CNTN5: variants seen among roughly 807,000 people sequenced by gnomAD.
The protein encoded by CNTN5 is contactin 5.
A neutral mutation model predicts 129.1 loss-of-function variants in CNTN5; 77 were observed. The observed-to-expected ratio is 0.60, with a 90% CI of 0.50 to 0.72. The LOEUF is 0.72. Ranked by LOEUF, CNTN5 falls within the 30% of genes least tolerant of loss-of-function variation. The pLI, the probability that CNTN5 is intolerant of heterozygous loss-of-function variation, is 0.00. For missense variants in CNTN5, 1,478 were observed against 1,328.8 expected (o/e 1.11, Z -1.75); for synonymous variants, 509 against 465.6 (o/e 1.09, Z -1.20).
intron 1 of CNTN5, among the ~76,000 whole-genome samples, chr11:99,189,804 T>C (rs969403071): frequency 2.0e-5 from 3 of 151,734 alleles, no homozygotes; most frequent in African/African-American, 7.2e-5. Context: ...TTTTAGGTGT[T>C]AACCCCTTAT....
intron 13 of CNTN5, among the ~76,000 whole-genome samples, chr11:100,107,570 C>G (rs754443127): frequency 4.1e-5 from 6 of 147,296 alleles, no homozygotes; most frequent in Non-Finnish European, 5.9e-5. Flanking sequence ...GGGAACCATA[C>G]TGAAAACCAA....
rs185282811 is a variant in CNTN5 at position 99,755,295 on chromosome 11, G to C, written c.56-64249G>C. Among the ~76,000 whole-genome samples the C allele has an allele frequency of 2.7e-3, 411 of 152,240 alleles. 4 individuals are homozygous for C. Among genetic ancestry groups the C allele is most frequent in the African/African-American group, 9.6e-3 (397 of 41,546 alleles). ...AGAGTATGTTAACTTTGTAACAATT[G>C]ACAGACTGTCTTCCAAAGTGACTGT... On this transcript the variant is annotated intron_variant, in intron 3 of 24. Transcript: ENST00000524871.
At chr11:100,172,349 T>C (rs1023025625) in intron 13 of CNTN5, among the ~76,000 whole-genome samples, 22 of 151,992 alleles carry the variant, frequency 1.4e-4, no homozygotes, top group African/African-American at 5.3e-4. Flanking sequence ...ATGGAGAACA[T>C]ATTAACTACC....
At chr11:99,303,888 ACAC>A (rs1261230391) in intron 1 of CNTN5, among the ~76,000 whole-genome samples, 6 of 152,244 alleles carry the variant, frequency 3.9e-5, no homozygotes. Context: ...TCCTTTAGTA[ACAC>A]CATAGTGTCT....
intron 1 of CNTN5, among the ~76,000 whole-genome samples, chr11:99,209,341 A>T (rs1451869144): frequency 6.6e-6 from 1 of 152,152 alleles, no homozygotes; most frequent in Non-Finnish European, 1.5e-5. Context: ...TGTTGCCAGC[A>T]TCTGCTTCTG....
intron 3 of CNTN5, among the ~76,000 whole-genome samples, chr11:99,737,467 G>C (rs1565477014): frequency 6.6e-6 from 1 of 152,072 alleles, no homozygotes; most frequent in South Asian, 2.1e-4. Flanking sequence ...GTTTGAAAAA[G>C]TGGATAGATA....
At chr11:100,139,226 T>C (rs1045853953) in intron 13 of CNTN5, among the ~76,000 whole-genome samples, 1 of 152,152 alleles carries the variant, frequency 6.6e-6, no homozygotes, top group Non-Finnish European at 1.5e-5. Flanking sequence ...ATATAGATTA[T>C]AATTAAAGCC....
At chr11:99,873,663 G>A (rs1032544937) in intron 6 of CNTN5, among the ~76,000 whole-genome samples, 1 of 152,016 alleles carries the variant, frequency 6.6e-6, no homozygotes. Context: ...ATACCTCAAA[G>A]AACTAAAAAT....
chr11:100,004,674 G>A (rs1284368753), intron 9 of CNTN5, among the ~76,000 whole-genome samples: 2 of 152,130 alleles, frequency 1.3e-5, no homozygotes, highest in South Asian at 2.1e-4. Context: ...ACCAAGACAT[G>A]TATAAACTCC....
intron 2 of CNTN5, among the ~76,000 whole-genome samples, chr11:99,421,038 A>G (rs1176362243): frequency 6.6e-6 from 1 of 151,980 alleles, no homozygotes; most frequent in African/African-American, 2.4e-5. Context: ...CCTGGAAATT[A>G]TAATTGTGTC....
At chr11:100,151,555 G>A (rs1947057288) in intron 13 of CNTN5, among the ~76,000 whole-genome samples, 1 of 152,078 alleles carries the variant, frequency 6.6e-6, no homozygotes, top group South Asian at 2.1e-4. Context: ...TCCTAACGGG[G>A]CAAGCAACCC....
intron 13 of CNTN5, among the ~76,000 whole-genome samples, chr11:100,181,505 G>C (rs1339486535): frequency 6.6e-6 from 1 of 151,910 alleles, no homozygotes; most frequent in Non-Finnish European, 1.5e-5. Flanking sequence ...TTTTTATTGT[G>C]GTGGTAGATA....
intron 2 of CNTN5, among the ~76,000 whole-genome samples, chr11:99,462,672 C>G (rs1363828668): frequency 1.3e-5 from 2 of 152,138 alleles, no homozygotes; most frequent in Non-Finnish European, 2.9e-5. Flanking sequence ...TGAATACGCC[C>G]GCTCCCTTGC....
chr11:99,652,263 AG>A (rs1440371982), intron 3 of CNTN5, among the ~76,000 whole-genome samples: 13 of 152,050 alleles, frequency 8.5e-5, no homozygotes, highest in African/African-American at 3.1e-4. Context: ...TTAGTCATAT[AG>A]CCCCCTCTCA....
At chr11:99,307,803 G>A (rs1160394414) in intron 1 of CNTN5, among the ~76,000 whole-genome samples, 4 of 152,126 alleles carry the variant, frequency 2.6e-5, no homozygotes, top group Non-Finnish European at 5.9e-5. Flanking sequence ...TAAAGAAAAT[G>A]TCAGGCTGTC....
Position 99,213,361 on chromosome 11 carries a change from T to TATATAC in CNTN5, c.-209-111981_-209-111980insACATAT, listed in dbSNP as rs1387402614. Among the ~76,000 whole-genome samples the TATATAC allele has an allele frequency of 5.6e-3, 309 of 55,128 alleles. 1 individual carries two copies. Among genetic ancestry groups the TATATAC allele is most frequent in the African/African-American group, 0.016 (306 of 19,296 alleles). 36.2% of individuals were successfully genotyped at this position (55,128 alleles called of 152,430 possible). A position where few individuals can be genotyped will look rare whatever the true frequency, so the allele number is the denominator to read the frequency against. ...ATATATAAAATATTATATATGTGTA[T>TATATAC]ATATGTATATATGTATATACATATA... On this transcript the variant is annotated intron_variant, in intron 1 of 24. Coordinates refer to ENST00000524871, the MANE Select transcript of CNTN5 (RefSeq NM_014361.4).
intron 1 of CNTN5, among the ~76,000 whole-genome samples, chr11:99,187,928 T>A (rs1161901005): frequency 6.6e-6 from 1 of 151,848 alleles, no homozygotes; most frequent in Non-Finnish European, 1.5e-5. Flanking sequence ...TTTTGATCAC[T>A]TTTTGACTTT....
intron 9 of CNTN5, among the ~76,000 whole-genome samples, chr11:100,042,282 A>C (rs562323608): frequency 2.0e-5 from 3 of 151,924 alleles, no homozygotes; most frequent in African/African-American, 7.2e-5. Flanking sequence ...CTTTGTCTCA[A>C]TAGCTTTTCT....
At chr11:100,046,807 A>T (rs1471958992) in intron 9 of CNTN5, among the ~76,000 whole-genome samples, 2 of 152,244 alleles carry the variant, frequency 1.3e-5, no homozygotes, top group African/African-American at 4.8e-5. Flanking sequence ...TATATGGAAC[A>T]GTTGTTGTCA....
Sources: gnomAD v4.1 joint callset for allele counts (sites outside exome capture counted in the v4.1 genomes callset) on GRCh38, gnomAD v4.1.1 for gene constraint, MANE v1.5 for transcripts, NCBI Gene and HGNC (gene_info 2026-07-23, HGNC 2026-07-21) for gene names.